The following NRG3 variants were observed in gnomAD, a reference collection of about 807,000 sequenced individuals.
NRG3 encodes pro-neuregulin-3, membrane-bound isoform.
A neutral mutation model predicts 66.9 loss-of-function variants in NRG3; 31 were observed. The observed-to-expected ratio is 0.46, with a 90% CI of 0.35 to 0.63. The LOEUF (loss-of-function observed/expected upper bound fraction) is 0.63. Among genes scored for constraint, NRG3 ranks in the 20% least tolerant of loss-of-function variants. NRG3 has a pLI of 0.00. For missense variants in NRG3, 910 were observed against 878.9 expected, an observed-to-expected ratio of 1.04 and a Z score of -0.45; for synonymous variants, 393 against 359.4, an observed-to-expected ratio of 1.09 and a Z score of -1.06.
At chr10:82,358,985 A>G in intron 2 of NRG3, 117 bp downstream of exon 2, 1 of 1,394,886 alleles carries the variant, frequency 7.2e-7, no homozygotes, top group Admixed American at 1.9e-5. Context: ...CCACCGTTTG[A>G]ATAGCAGAAT....
At chr10:81,902,261 A>T (rs1046565446) in intron 1 of NRG3, among the ~76,000 whole-genome samples, 1 of 151,916 alleles carries the variant, frequency 6.6e-6, no homozygotes, top group African/African-American at 2.4e-5. Context: ...GATTTTCTCG[A>T]GGTAATGGAC....
rs188998907 is a variant in NRG3, at chr10:82,011,880, A to G, written c.823+135717A>G. ...TATCCACCTTTCCAGCTGCTTTCAG[A>G]GGCTGGTGTTGAGTGTCTGTGTCTT... is the stretch of plus-strand genomic sequence containing the variant. On this transcript the variant is annotated intron_variant, in intron 1 of 8. Transcript: ENST00000372141. Among the ~76,000 whole-genome samples, 262 of 152,106 alleles carry G rather than the reference A, an allele frequency of 1.7e-3. 3 individuals are homozygous for G. Among genetic ancestry groups the G allele is most frequent in the African/African-American group, 6.2e-3 (256 of 41,484 alleles).
intron 1 of NRG3, among the ~76,000 whole-genome samples, chr10:82,013,438 T>C (rs1275934592): frequency 6.6e-6 from 1 of 152,162 alleles, no homozygotes; most frequent in Non-Finnish European, 1.5e-5. Flanking sequence ...TGGGAAACTT[T>C]TATTTTTCCA....
intron 2 of NRG3, among the ~76,000 whole-genome samples, chr10:82,551,412 C>A (rs1390657354): frequency 6.6e-6 from 1 of 151,936 alleles, no homozygotes; most frequent in Non-Finnish European, 1.5e-5. Context: ...GGAAAAAAGT[C>A]TGTAAATATT....
intron 2 of NRG3, among the ~76,000 whole-genome samples, chr10:82,360,171 G>A (rs747845690): frequency 2.6e-5 from 4 of 152,096 alleles, no homozygotes; most frequent in African/African-American, 4.8e-5. Context: ...ACCTGGGTTG[G>A]GGAAGAAGGG....
chr10:81,914,696 C>A (rs73304575), intron 1 of NRG3, among the ~76,000 whole-genome samples: 1 of 142,384 alleles, frequency 7.0e-6, no homozygotes, highest in Non-Finnish European at 1.5e-5. Context: ...TTCAAGGATG[C>A]AGTGAACTGT....
rs1351125393 is a variant in NRG3 at position 82,699,258 on chromosome 10, AG to A, written c.954-39317del. On this transcript the variant is annotated intron_variant, in intron 2 of 8. Transcript: ENST00000372141. ...AATAAAAGAAGGAAAGAGGGAAGGAAGGAAGGAAGGAAGGAAGGAAGCAAGG... is the reference window on the plus strand; with the variant it reads ...AATAAAAGAAGGAAAGAGGGAAGGAAGAAGGAAGGAAGGAAGGAAGCAAGG... Among the ~76,000 whole-genome samples, 225 of 70,648 alleles carry A rather than the reference AG, an allele frequency of 3.2e-3. 1 individual carries two copies. The highest frequency in any genetic ancestry group is 0.024 in the African/African-American group (218 of 8,954). The allele number at this position is 70,648 out of a possible 152,430, so 46.3% of individuals were successfully genotyped here.
At chr10:82,236,924 C>T (rs2133953582) in intron 1 of NRG3, among the ~76,000 whole-genome samples, 1 of 152,104 alleles carries the variant, frequency 6.6e-6, no homozygotes, top group South Asian at 2.1e-4. Flanking sequence ...ACCGTGTTAG[C>T]CAGGATGGTC....
chr10:82,056,878 T>C (rs1292377780), intron 1 of NRG3, among the ~76,000 whole-genome samples: 1 of 152,166 alleles, frequency 6.6e-6, no homozygotes, highest in African/African-American at 2.4e-5. Context: ...TGGATGACTT[T>C]TTTTCCCACA....
intron 1 of NRG3, among the ~76,000 whole-genome samples, chr10:81,879,842 TA>T (rs1285908556): frequency 2.0e-5 from 3 of 152,356 alleles, no homozygotes; most frequent in African/African-American, 7.2e-5. Context: ...TTGTTTGCTT[TA>T]TAAGCAGCCT....
chr10:82,246,423 G>T (rs1413255001), intron 1 of NRG3, among the ~76,000 whole-genome samples: 3 of 152,142 alleles, frequency 2.0e-5, no homozygotes, highest in Non-Finnish European at 4.4e-5. Context: ...ATGATGTGAT[G>T]AATAATTTAG....
chr10:81,938,618 A>AGTGTGT (rs373196547), intron 1 of NRG3, among the ~76,000 whole-genome samples: 1 of 144,194 alleles, frequency 6.9e-6, no homozygotes, highest in Non-Finnish European at 1.5e-5. Context: ...GAGTTCTGAC[A>AGTGTGT]GTGTGTGTGT....
intron 2 of NRG3, among the ~76,000 whole-genome samples, chr10:82,581,117 A>G (rs1275142268): frequency 2.0e-5 from 3 of 151,896 alleles, no homozygotes; most frequent in Non-Finnish European, 4.4e-5. Flanking sequence ...TTTGTTGTCT[A>G]TGTTTTGGAT....
chr10:82,240,914 T>A (rs547145007), intron 1 of NRG3, among the ~76,000 whole-genome samples: 6 of 152,230 alleles, frequency 3.9e-5, no homozygotes, highest in South Asian at 2.1e-4. Context: ...AGATTTTTTT[T>A]AAAAAACCCT....
chr10:82,935,248 C>T (rs191484889), intron 4 of NRG3, among the ~76,000 whole-genome samples: 3 of 152,118 alleles, frequency 2.0e-5, no homozygotes, highest in African/African-American at 4.8e-5. Flanking sequence ...TGGGGAAGAA[C>T]GAGATCGTCT....
At chr10:82,066,645 G>T (rs2064487058) in intron 1 of NRG3, among the ~76,000 whole-genome samples, 1 of 152,150 alleles carries the variant, frequency 6.6e-6, no homozygotes, top group Non-Finnish European at 1.5e-5. Flanking sequence ...CATGTCTGCT[G>T]AGTACTTACC....
At chr10:82,060,821 T>G (rs2064103393) in intron 1 of NRG3, among the ~76,000 whole-genome samples, 1 of 152,144 alleles carries the variant, frequency 6.6e-6, no homozygotes, top group Non-Finnish European at 1.5e-5. Flanking sequence ...CTCAACCTCT[T>G]TCTCCCAGTA....
Position 82,929,433 on chromosome 10 carries a change from G to T in NRG3, c.1055-22036G>T, listed in dbSNP as rs529717252. 4.6e-5 allele frequency among the ~76,000 whole-genome samples: 7 copies of T among 152,182 alleles called. No individual in the cohort carries two copies. The East Asian group carries it at 1.4e-3, about 29-fold the overall frequency. On this transcript the variant is annotated intron_variant, in intron 4 of 8. Coordinates refer to ENST00000372141, the MANE Select transcript of NRG3 (RefSeq NM_001010848.4). ...CCCCAGGTATAAGATTTATCTTTCCGAGCAGAGGATCTGCAAACAGTGCCT... is the reference window on the plus strand; with the variant it reads ...CCCCAGGTATAAGATTTATCTTTCCTAGCAGAGGATCTGCAAACAGTGCCT...
At chr10:82,498,091 T>A (rs1196169455) in intron 2 of NRG3, among the ~76,000 whole-genome samples, 1 of 144,150 alleles carries the variant, frequency 6.9e-6, no homozygotes, top group African/African-American at 2.7e-5. Context: ...AGTTATTTGG[T>A]TTTTTTTTTT....
Sources: allele counts gnomAD v4.1 joint callset (sites outside exome capture counted in the v4.1 genomes callset), GRCh38; gene constraint gnomAD v4.1.1; transcripts MANE v1.5; gene names NCBI Gene and HGNC (gene_info 2026-07-23, HGNC 2026-07-21).